Variants in CD72 observed in about 807,000 individuals in gnomAD.
The protein encoded by CD72 is CD72 molecule, also known as B-cell differentiation antigen CD72.
A neutral mutation model predicts 50.7 loss-of-function variants in CD72; 28 were observed. That is an observed-to-expected ratio of 0.55 (90% CI 0.41 to 0.76). CD72 has a LOEUF of 0.76. Among genes scored for constraint, CD72 ranks in the 30% least tolerant of loss-of-function variants. CD72 has a pLI of 0.00. For missense variants in CD72, 403 were observed against 420.6 expected (o/e 0.96, Z 0.37); for synonymous variants, 176 against 171.2 (o/e 1.03, Z -0.22).
chr9:35,638,393 C>A (rs1338381291), intron 1 of CD72, among the ~76,000 whole-genome samples: 1 of 152,132 alleles, frequency 6.6e-6, no homozygotes, highest in African/African-American at 2.4e-5. Context: ...CTCCCCCACC[C>A]TATAACCCTT....
intron 3 of CD72, 151 bp from the exon 4 acceptor site, chr9:35,616,840 G>A: frequency 1.0e-6 from 1 of 989,526 alleles, no homozygotes; most frequent in African/African-American, 1.6e-5. Context: ...GGTTTCTGTC[G>A]GGTAGCGGGG....
In CD72 at chr9:35,617,043, C is replaced by T. The variant is rs900689676; in HGVS notation, c.262+133G>A. ...CCGGATGAAGGTGAATGTGGCACGG[C>T]AGCCCGGGCGTCGGAAGGACTGCGC... On this transcript the variant is annotated intron_variant, in intron 3 of 8. Transcript: ENST00000259633. 9.5e-6 allele frequency: 14 copies of T among 1,470,844 alleles called. No individual in the cohort carries two copies. The East Asian group carries it at 2.5e-4, about 26-fold the overall frequency. 91.1% of individuals were successfully genotyped at this position (1,470,844 alleles called of 1,614,324 possible). A position where few individuals can be genotyped will look rare whatever the true frequency, so the allele number is the denominator to read the frequency against.
rs375924600 is a variant in CD72 at position 35,612,516 on chromosome 9, C to T, written c.834+332G>A. 2.0e-3 allele frequency among the ~76,000 whole-genome samples: 296 copies of T among 151,716 alleles called. 3 individuals carry two copies. Among genetic ancestry groups the T allele is most frequent in the Middle Eastern group, 3.4e-3 (1 of 292 alleles). On this transcript the variant is annotated intron_variant, in intron 6 of 8. Coordinates refer to ENST00000259633, the MANE Select transcript of CD72 (RefSeq NM_001782.3). ...GGGAGAATTGCATGAACCCAGGAGG[C>T]GGAGGTTGCAGTGAGCTGAGATTAT...
At chr9:35,641,282 C>G (rs1158148886) in intron 1 of CD72, among the ~76,000 whole-genome samples, 1 of 152,116 alleles carries the variant, frequency 6.6e-6, no homozygotes, top group Non-Finnish European at 1.5e-5. Context: ...GCATCTGGGG[C>G]TCCATTTGAA....
At chr9:35,632,682 T>G (rs1482831760) in intron 1 of CD72, among the ~76,000 whole-genome samples, 1 of 145,902 alleles carries the variant, frequency 6.9e-6, no homozygotes, top group African/African-American at 2.5e-5. Context: ...GTTCAAACGA[T>G]TCTCCTTCCT....
chr9:35,636,813 G>A lies in CD72; in HGVS notation n.408+9590C>T, dbSNP rs182409378. 9.1e-4 allele frequency among the ~76,000 whole-genome samples: 138 copies of A among 152,250 alleles called. 1 individual carries two copies. Among genetic ancestry groups the A allele is most frequent in the African/African-American group, 3.3e-3 (136 of 41,560 alleles). ...AAGTCCCACATAGTCCTGTCACTGA[G>A]GTCCCTGTCAGGCCTCTGAGCCCAA... On this transcript the variant is annotated intron_variant and non_coding_transcript_variant, in intron 1 of 3. Transcript: ENST00000465754.
At chr9:35,640,453 C>T (rs1310874362) in intron 1 of CD72, among the ~76,000 whole-genome samples, 1 of 152,240 alleles carries the variant, frequency 6.6e-6, no homozygotes, top group Non-Finnish European at 1.5e-5. Flanking sequence ...AGTGTTATAG[C>T]TCTATTAGAA....
chr9:35,623,623 A>C (rs1172468279), upstream of CD72, among the ~76,000 whole-genome samples: 20 of 152,210 alleles, frequency 1.3e-4, no homozygotes, highest in Admixed American at 1.3e-3. Context: ...GCTGATTAAA[A>C]TTAGCAAGCG....
chr9:35,640,733 A>G (rs1439757848), intron 1 of CD72, among the ~76,000 whole-genome samples: 1 of 152,258 alleles, frequency 6.6e-6, no homozygotes, highest in Non-Finnish European at 1.5e-5. Context: ...CTCGAGCCGT[A>G]ACAAACATGG....
At chr9:35,618,740 AC>A, upstream of CD72, 1 of 1,279,266 alleles carries the variant, frequency 7.8e-7, no homozygotes, top group Non-Finnish European at 1.0e-6. Flanking sequence ...AGCTGCACTG[AC>A]CCAGACGATC....
At chr9:35,624,917 AG>A (rs1250633526) in intron 1 of CD72, among the ~76,000 whole-genome samples, 1 of 152,174 alleles carries the variant, frequency 6.6e-6, no homozygotes, top group Non-Finnish European at 1.5e-5. Flanking sequence ...ACTTAATAAA[AG>A]TTGTGTGTGT....
At chr9:35,612,314 G>A (rs1028089596) in intron 6 of CD72, among the ~76,000 whole-genome samples, 1 of 152,246 alleles carries the variant, frequency 6.6e-6, no homozygotes, top group Admixed American at 6.5e-5. Flanking sequence ...GCCGGGCGCA[G>A]TGGTTCACAC....
chr9:35,632,696 C>T (rs1823257105), intron 1 of CD72, among the ~76,000 whole-genome samples: 1 of 151,402 alleles, frequency 6.6e-6, no homozygotes, highest in Admixed American at 6.6e-5. Context: ...CCTTCCTCAG[C>T]CTCCCAAGTA....
At chr9:35,633,910 A>G (rs769436897) in intron 1 of CD72, among the ~76,000 whole-genome samples, 4 of 152,224 alleles carry the variant, frequency 2.6e-5, no homozygotes, top group Non-Finnish European at 4.4e-5. Context: ...TGGTTTTTAA[A>G]ATAATATTTA....
At chr9:35,612,659 G>A (rs1180444035) in intron 6 of CD72, 189 bp downstream of exon 6, 5 of 560,774 alleles carry the variant, frequency 8.9e-6, no homozygotes, top group South Asian at 2.6e-5. Flanking sequence ...GGGCTGCCTG[G>A]ACCACTGTGC....
At chr9:35,621,978 GCCA>G (rs1823150076), upstream of CD72, among the ~76,000 whole-genome samples, 1 of 152,190 alleles carries the variant, frequency 6.6e-6, no homozygotes, top group African/African-American at 2.4e-5. Context: ...TATTGTTTAA[GCCA>G]CCAAGTGTGT....
chr9:35,633,012 C>G (rs1191871468), intron 1 of CD72, among the ~76,000 whole-genome samples: 1 of 151,222 alleles, frequency 6.6e-6, no homozygotes, highest in Non-Finnish European at 1.5e-5. Flanking sequence ...CTCACTGCAA[C>G]CTCCACCTCC....
At chr9:35,618,688 T>C, upstream of CD72, 1 of 961,080 alleles carries the variant, frequency 1.0e-6, no homozygotes, top group Non-Finnish European at 1.4e-6. Flanking sequence ...CCCACCCTCC[T>C]CCTGGCTGCC....
Position 35,616,607 on chromosome 9 carries a change from T to G in CD72, c.345A>C (p.Gly115=). Reference sequence around the variant, plus strand: ...AGGGACAGCCTTACTCACAGCGCACTCCCAGGCAGATGGCGGTCACTCCTA... The same window carrying G: ...AGGGACAGCCTTACTCACAGCGCACGCCCAGGCAGATGGCGGTCACTCCTA... The part of the protein sequence containing the change: ...LLLGVTAICL[G]VRYLQVSQQL... The change falls in exon 4 of 9, where the codon GGA becomes GGC. Residue 115 remains glycine (G), a synonymous_variant. Coordinates refer to ENST00000259633, the MANE Select transcript of CD72 (RefSeq NM_001782.3). 1 of 1,613,352 alleles carries G rather than the reference T, an allele frequency of 6.2e-7. No individual in the cohort carries two copies. The highest frequency in any genetic ancestry group is 2.2e-5 in the East Asian group (1 of 44,856).
Sources: allele counts gnomAD v4.1 joint callset (sites outside exome capture counted in the v4.1 genomes callset), GRCh38; gene constraint gnomAD v4.1.1; transcripts MANE v1.5; gene names NCBI Gene and HGNC (gene_info 2026-07-23, HGNC 2026-07-21).